The following ZNF407 variants were observed in gnomAD, a reference collection of about 807,000 sequenced individuals.
ZNF407 encodes zinc finger protein 407.
ZNF407 carries 17 observed loss-of-function variants against 131.2 expected under a neutral mutation model. The ratio of observed to expected loss-of-function variants is 0.13; its 90% CI spans 0.09 to 0.19. ZNF407 has a LOEUF of 0.19. Ranked by LOEUF, ZNF407 falls within the 10% of genes least tolerant of loss-of-function variation. The probability of loss-of-function intolerance (pLI) is 1.00; values close to 1 mark genes in which losing one functional copy is unlikely to be tolerated. For synonymous variants in ZNF407, 1,156 were observed against 1,062.0 expected, an observed-to-expected ratio of 1.09 and a Z score of -1.72; for missense variants, 2,681 against 2,830.6, an observed-to-expected ratio of 0.95 and a Z score of 1.20.
chr18:74,965,712 A>G (rs560988780), intron 8 of ZNF407, among the ~76,000 whole-genome samples: 1 of 152,216 alleles, frequency 6.6e-6, no homozygotes, highest in South Asian at 2.1e-4. Context: ...TAGTAGCTCT[A>G]CTTTTAGTTT....
chr18:74,707,983 A>T (rs1599086575), intron 3 of ZNF407, among the ~76,000 whole-genome samples: 1 of 152,250 alleles, frequency 6.6e-6, no homozygotes, highest in African/African-American at 2.4e-5. Flanking sequence ...GTGTTAGTGT[A>T]AATATGACAT....
rs1445169620 is a variant in ZNF407 at position 74,916,704 on chromosome 18, A to AGTGTGT, written c.5250-3803_5250-3798dup. ...GTATGCAGCATTCGTTCGAATCGGGAGTGTGTGTGTGTATGTGTGTGTGTG... is the reference window on the plus strand; with the variant it reads ...GTATGCAGCATTCGTTCGAATCGGGAGTGTGTGTGTGTGTGTGTATGTGTGTGTGTG... On this transcript the variant is annotated intron_variant, in intron 7 of 8. Transcript: ENST00000299687. Among the ~76,000 whole-genome samples, 29 of 128,216 alleles carry AGTGTGT rather than the reference A, an allele frequency of 2.3e-4. 1 individual carries two copies. The highest frequency in any genetic ancestry group is 8.3e-4 in the African/African-American group (26 of 31,482). The allele number at this position is 128,216 out of a possible 152,430, so 84.1% of individuals were successfully genotyped here.
intron 6 of ZNF407, among the ~76,000 whole-genome samples, chr18:74,888,105 A>G (rs937164202): frequency 2.0e-5 from 3 of 152,234 alleles, no homozygotes; most frequent in African/African-American, 7.2e-5. Flanking sequence ...GTAAGTCAGT[A>G]TACTCATACA....
chr18:75,022,225 C>T (rs1180811724), intron 8 of ZNF407, among the ~76,000 whole-genome samples: 1 of 152,078 alleles, frequency 6.6e-6, no homozygotes, highest in African/African-American at 2.4e-5. Flanking sequence ...TAATGGTGCT[C>T]ATTGGTTCCT....
chr18:74,634,722 G>C lies in ZNF407; in HGVS notation c.3703G>C (p.Gly1235Arg), dbSNP rs745340867. The change falls in exon 2 of 9, where the codon GGA becomes CGA. Residue 1235 changes from glycine (G) to arginine (R), a missense_variant. By Grantham distance (125) the Gly-to-Arg change is moderately radical. Coordinates refer to ENST00000299687, the MANE Select transcript of ZNF407 (RefSeq NM_017757.3). ...GCGTGTCCATTGTGAGGGTGAAGGAGGAAACGCAGGAGACGGTGGAGGTGT... is the reference window on the plus strand; with the variant it reads ...GCGTGTCCATTGTGAGGGTGAAGGACGAAACGCAGGAGACGGTGGAGGTGT... Reference protein sequence around the residue: ...ELRVHCEGEGGNAGDGGGVVP... With the variant: ...ELRVHCEGEGRNAGDGGGVVP... The C allele has an allele frequency of 6.2e-7, 1 of 1,614,030 alleles. No homozygotes were observed. Among genetic ancestry groups the C allele is most frequent in the East Asian group, 2.2e-5 (1 of 44,882 alleles).
chr18:74,943,468 AGTTT>A (rs887046888), intron 8 of ZNF407, among the ~76,000 whole-genome samples: 7 of 152,230 alleles, frequency 4.6e-5, no homozygotes, highest in African/African-American at 1.4e-4. Context: ...ATGAAAACAC[AGTTT>A]GTTTGTCACC....
intron 3 of ZNF407, among the ~76,000 whole-genome samples, chr18:74,657,898 T>TC (rs1985537496): frequency 7.9e-6 from 1 of 126,484 alleles, no homozygotes; most frequent in African/African-American, 3.5e-5. Flanking sequence ...CTTCTCCTTT[T>TC]CCTTTCTTCT....
intron 3 of ZNF407, among the ~76,000 whole-genome samples, chr18:74,658,206 G>A (rs141842615): frequency 0.025 from 3,862 of 151,914 alleles, 150 homozygotes; most frequent in African/African-American, 0.082. Context: ...TCCGCCTCCC[G>A]GGTTCCGGTT....
chr18:74,746,416 T>C (rs979347626), intron 3 of ZNF407, among the ~76,000 whole-genome samples: 4 of 152,202 alleles, frequency 2.6e-5, no homozygotes, highest in Non-Finnish European at 5.9e-5. Flanking sequence ...TTTTTCACTT[T>C]ATGAACTATT....
At chr18:75,033,064 T>C (rs1033976692) in intron 8 of ZNF407, among the ~76,000 whole-genome samples, 14 of 119,548 alleles carry the variant, frequency 1.2e-4, no homozygotes, top group Admixed American at 3.8e-4. Flanking sequence ...GGGAAGATAG[T>C]ATTAGATAAC....
At chr18:74,695,892 T>C (rs1280798806) in intron 3 of ZNF407, among the ~76,000 whole-genome samples, 1 of 152,194 alleles carries the variant, frequency 6.6e-6, no homozygotes, top group African/African-American at 2.4e-5. Context: ...TACATAAATA[T>C]ATTATGAGAC....
intron 2 of ZNF407, among the ~76,000 whole-genome samples, chr18:74,639,681 C>G (rs1388119169): frequency 1.3e-5 from 2 of 152,146 alleles, no homozygotes; most frequent in Non-Finnish European, 1.5e-5. Context: ...ATTAAGAGAT[C>G]TGGCTTCATT....
chr18:74,952,595 G>A (rs1972227716), intron 8 of ZNF407, among the ~76,000 whole-genome samples: 1 of 152,204 alleles, frequency 6.6e-6, no homozygotes. Flanking sequence ...CAGAGAGAAT[G>A]GGAGCAGGAA....
At chr18:74,804,435 A>G (rs2145076864) in intron 4 of ZNF407, 1 of 992,848 alleles carries the variant, frequency 1.0e-6, no homozygotes, top group East Asian at 1.1e-4. Flanking sequence ...TAATTAACAC[A>G]TGACTTCAGA....
At chr18:75,015,105 A>C (rs1313691509) in intron 8 of ZNF407, among the ~76,000 whole-genome samples, 4 of 152,128 alleles carry the variant, frequency 2.6e-5, no homozygotes, top group African/African-American at 9.6e-5. Flanking sequence ...TTTTGCTGTC[A>C]TGCAGAATAG....
intron 8 of ZNF407, among the ~76,000 whole-genome samples, chr18:75,031,314 T>C (rs1449246833): frequency 1.3e-5 from 2 of 152,244 alleles, no homozygotes; most frequent in African/African-American, 2.4e-5. Flanking sequence ...TTCAATAATA[T>C]CCATTTTCTA....
At chr18:74,977,382 G>C (rs2145309746) in intron 8 of ZNF407, among the ~76,000 whole-genome samples, 1 of 152,332 alleles carries the variant, frequency 6.6e-6, no homozygotes, top group Middle Eastern at 3.4e-3. Flanking sequence ...CTGGTAAGAT[G>C]TTTGTATGGA....
chr18:74,722,085 A>T (rs1441328626), intron 3 of ZNF407, among the ~76,000 whole-genome samples: 1 of 149,746 alleles, frequency 6.7e-6, no homozygotes, highest in Non-Finnish European at 1.5e-5. Flanking sequence ...CAGCAGCTTG[A>T]TTATGATGTT....
At chr18:74,809,636 C>T (rs1392139458) in intron 4 of ZNF407, among the ~76,000 whole-genome samples, 2 of 152,296 alleles carry the variant, frequency 1.3e-5, no homozygotes, top group East Asian at 3.9e-4. Context: ...TATGGTTATA[C>T]TTCAAGAGCT....
Sources: allele counts gnomAD v4.1 joint callset (sites outside exome capture counted in the v4.1 genomes callset), GRCh38; gene constraint gnomAD v4.1.1; transcripts MANE v1.5; gene names NCBI Gene and HGNC (gene_info 2026-07-23, HGNC 2026-07-21).